Variants in HNF4G observed in about 807,000 individuals in gnomAD.
HNF4G encodes hepatocyte nuclear factor 4 gamma.
In HNF4G, 21 loss-of-function variants were observed where a neutral mutation model predicts 50.9. The observed-to-expected ratio is 0.41, with a 90% CI of 0.29 to 0.59. The LOEUF is 0.59. Ranked by LOEUF, HNF4G falls within the 20% of genes least tolerant of loss-of-function variation. The probability of loss-of-function intolerance (pLI) is 0.26; values close to 1 mark genes in which losing one functional copy is unlikely to be tolerated. For synonymous variants in HNF4G, 198 were observed against 185.6 expected (o/e 1.07, Z -0.54); for missense variants, 527 against 559.4 (o/e 0.94, Z 0.58).
At chr8:75,449,961 G>A (rs1200367621) in intron 1 of HNF4G, among the ~76,000 whole-genome samples, 1 of 152,126 alleles carries the variant, frequency 6.6e-6, no homozygotes, top group African/African-American at 2.4e-5. Flanking sequence ...TTCTTCCTGT[G>A]TAACTAAAAT....
chr8:75,418,722 CTTTT>C (rs560295179), intron 1 of HNF4G, among the ~76,000 whole-genome samples: 4 of 109,404 alleles, frequency 3.7e-5, no homozygotes, highest in Non-Finnish European at 5.5e-5. Context: ...CTCTCTCTCT[CTTTT>C]TTTTTTTTTT....
At chr8:75,526,898 C>G (rs1188170025) in intron 2 of HNF4G, 3 of 152,050 alleles carry the variant, frequency 2.0e-5, no homozygotes, top group Non-Finnish European at 2.9e-5. Flanking sequence ...TCCCGAGTAG[C>G]TGGGACTACA....
At chr8:75,407,755 A>G (rs933677111), upstream of HNF4G, among the ~76,000 whole-genome samples, 19 of 152,186 alleles carry the variant, frequency 1.2e-4, no homozygotes, top group African/African-American at 4.6e-4. Flanking sequence ...ACAAACAAAC[A>G]AACAACAACA....
chr8:75,462,277 T>C (rs536563039), intron 1 of HNF4G, among the ~76,000 whole-genome samples: 1 of 152,326 alleles, frequency 6.6e-6, no homozygotes. Flanking sequence ...TCAGTACTAT[T>C]AACTCTTGCC....
At chr8:75,549,682 A>G (rs944755016) in intron 3 of HNF4G, among the ~76,000 whole-genome samples, 17 of 151,656 alleles carry the variant, frequency 1.1e-4, no homozygotes, top group African/African-American at 4.1e-4. Flanking sequence ...ATATGTATAC[A>G]TGTGCCATGC....
intron 3 of HNF4G, among the ~76,000 whole-genome samples, chr8:75,550,618 T>A (rs145104113): frequency 6.6e-6 from 1 of 152,134 alleles, no homozygotes; most frequent in Admixed American, 6.6e-5. Context: ...CTGGTAAACA[T>A]GTGAGTTAAT....
At chr8:75,462,778 A>C (rs1198421925) in intron 1 of HNF4G, among the ~76,000 whole-genome samples, 1 of 152,134 alleles carries the variant, frequency 6.6e-6, no homozygotes, top group African/African-American at 2.4e-5. Flanking sequence ...ACATCAGATA[A>C]ATATCTTAGT....
chr8:75,507,874 A>G (rs1805637052), intron 2 of HNF4G, among the ~76,000 whole-genome samples: 1 of 152,166 alleles, frequency 6.6e-6, no homozygotes, highest in African/African-American at 2.4e-5. Flanking sequence ...AAAAGAAATA[A>G]ATGGAATTCT....
intron 1 of HNF4G, among the ~76,000 whole-genome samples, chr8:75,541,873 G>A (rs1806631552): frequency 6.6e-6 from 1 of 152,072 alleles, no homozygotes; most frequent in South Asian, 2.1e-4. Context: ...CTGGAAAACA[G>A]AGGACTAAAT....
intron 2 of HNF4G, among the ~76,000 whole-genome samples, chr8:75,506,868 A>G (rs1348880520): frequency 1.3e-5 from 2 of 152,104 alleles, no homozygotes; most frequent in Non-Finnish European, 2.9e-5. Context: ...AACAACAACA[A>G]CAACAACATC....
intron 1 of HNF4G, among the ~76,000 whole-genome samples, chr8:75,456,686 A>T (rs1811732037): frequency 6.6e-6 from 1 of 151,880 alleles, no homozygotes; most frequent in Non-Finnish European, 1.5e-5. Flanking sequence ...ATTCTATATA[A>T]AAGTCCCATA....
At chr8:75,422,699 T>A (rs1360302558) in intron 1 of HNF4G, among the ~76,000 whole-genome samples, 1 of 151,818 alleles carries the variant, frequency 6.6e-6, no homozygotes, top group Non-Finnish European at 1.5e-5. Context: ...GGTGGTGCGA[T>A]CTCGGCTCAC....
intron 2 of HNF4G, among the ~76,000 whole-genome samples, chr8:75,494,000 A>G (rs1334595635): frequency 6.6e-6 from 1 of 152,162 alleles, no homozygotes; most frequent in Admixed American, 6.6e-5. Context: ...TTCCAATGTG[A>G]TATCTCTGAG....
At chr8:75,560,593 C>A (rs768113572) in intron 9 of HNF4G, 127 bp downstream of exon 9, 1 of 741,314 alleles carries the variant, frequency 1.3e-6, no homozygotes, top group Non-Finnish European at 2.2e-6. Context: ...ATCTGAGACT[C>A]AGCAGTAGAA....
At chr8:75,480,010 AG>A (rs1306858376) in intron 1 of HNF4G, among the ~76,000 whole-genome samples, 1 of 152,080 alleles carries the variant, frequency 6.6e-6, no homozygotes, top group Non-Finnish European at 1.5e-5. Flanking sequence ...TATAGAAAAA[AG>A]TGTTATTTTT....
At chr8:75,553,843 A>G (rs1339430054) in intron 5 of HNF4G, among the ~76,000 whole-genome samples, 1 of 152,178 alleles carries the variant, frequency 6.6e-6, no homozygotes, top group African/African-American at 2.4e-5. Flanking sequence ...TTCTATTTTC[A>G]TATTTTGTCA....
intron 3 of HNF4G, among the ~76,000 whole-genome samples, chr8:75,548,874 T>C (rs1267520723): frequency 2.0e-5 from 3 of 152,198 alleles, no homozygotes; most frequent in Non-Finnish European, 4.4e-5. Context: ...TTTGCTCAGG[T>C]TGGTAGTGTC....
intron 1 of HNF4G, among the ~76,000 whole-genome samples, chr8:75,430,859 GAAAT>G (rs1811000619): frequency 6.6e-6 from 1 of 152,074 alleles, no homozygotes; most frequent in Non-Finnish European, 1.5e-5. Context: ...CTCAGTGAAA[GAAAT>G]CAGTAAAAAC....
chr8:75,466,636 C>CGCCCTTCCCTTCCCTTCCCT (rs1197117089), intron 1 of HNF4G, among the ~76,000 whole-genome samples: 2 of 38,694 alleles, frequency 5.2e-5, no homozygotes, highest in Non-Finnish European at 5.4e-5. Context: ...TTCCTTCCTT[C>CGCCCTTCCCTTCCCTTCCCT]TCCCTTCCCT....
Sources: gnomAD v4.1 joint callset for allele counts (sites outside exome capture counted in the v4.1 genomes callset) on GRCh38, gnomAD v4.1.1 for gene constraint, MANE v1.5 for transcripts, NCBI Gene and HGNC (gene_info 2026-07-23, HGNC 2026-07-21) for gene names.